Variants in PSMD3 observed in about 807,000 individuals in gnomAD.
PSMD3 encodes the protein 26S proteasome non-ATPase regulatory subunit 3.
PSMD3 carries 5 observed loss-of-function variants against 62.8 expected under a neutral mutation model. The ratio of observed to expected loss-of-function variants is 0.08; its 90% confidence interval spans 0.04 to 0.17. The LOEUF (loss-of-function observed/expected upper bound fraction) is 0.17, where lower values mean the gene tolerates loss of function less well. Ranked by LOEUF, PSMD3 falls within the 10% of genes least tolerant of loss-of-function variation. The pLI is 1.00. For missense variants in PSMD3, 524 were observed against 713.6 expected (o/e 0.73, Z 3.03); for synonymous variants, 265 against 283.9 (o/e 0.93, Z 0.67).
chr17:39,995,342 C>A lies in PSMD3; in HGVS notation c.1216+47C>A. On this transcript the variant is annotated intron_variant, in intron 8 of 11. Coordinates refer to ENST00000264639, the MANE Select transcript of PSMD3 (RefSeq NM_002809.4). This position sits in a 1 kb window ranked among gnomAD's most constrained non-coding sequence, Gnocchi z 4.1. ...GCTGTTGGAGGAGCAGAAGCCAGGC[C>A]AGGGCAAACCTAGTGGGTATCCTTG... 6.2e-7 allele frequency: 1 copy of A among 1,613,996 alleles called. No individual in the cohort carries two copies. Among genetic ancestry groups the A allele is most frequent in the South Asian group, 1.1e-5 (1 of 91,072 alleles).
In PSMD3 at chr17:39,995,383, T is replaced by C; in HGVS notation, c.1217-41T>C. ...GGTATCCTTGGGCAAGTGAAGGGTC[T>C]GTGTCCACTCTGCCCACCCCATCGC... On this transcript the variant is annotated intron_variant, in intron 8 of 11. Coordinates refer to ENST00000264639, the MANE Select transcript of PSMD3 (RefSeq NM_002809.4). This position sits in a 1 kb window ranked among gnomAD's most constrained non-coding sequence, Gnocchi z 4.1. 6.2e-7 allele frequency: 1 copy of C among 1,612,774 alleles called. No homozygotes were observed. Among genetic ancestry groups the C allele is most frequent in the Non-Finnish European group, 8.5e-7 (1 of 1,178,712 alleles).
At position 39,996,537 on chromosome 17, in the gene PSMD3, A is replaced by G. The variant is rs1476542740; in HGVS notation, c.1476+199A>G. The stretch of plus-strand genomic sequence containing the variant: ...GTTCCATAGCCAGTTGCCCTCTCCT[A>G]TTGCGTTTAAGGGATGATGTGGTCA... On this transcript the variant is annotated intron_variant, in intron 10 of 11. Coordinates refer to ENST00000264639, the MANE Select transcript of PSMD3 (RefSeq NM_002809.4). The surrounding 1 kb of genome is among the most constrained non-coding windows in gnomAD (Gnocchi z 5.1). 2.0e-5 allele frequency among the ~76,000 whole-genome samples: 3 copies of G among 152,098 alleles called. No individual in the cohort carries two copies. The highest frequency in any genetic ancestry group is 2.1e-4 in the South Asian group (1 of 4,820).
intron 3 of PSMD3, among the ~76,000 whole-genome samples, chr17:39,987,863 C>T (rs12450800): frequency 0.56 from 85,364 of 152,090 alleles, 24,210 homozygotes; most frequent in Middle Eastern, 0.74. Context: ...ATCCCAGCAC[C>T]TTGGGAGGCC....
chr17:39,981,593 C>T (rs1278484593), intron 1 of PSMD3, among the ~76,000 whole-genome samples: 1 of 152,164 alleles, frequency 6.6e-6, no homozygotes, highest in East Asian at 1.9e-4. Context: ...GCCAGGATGA[C>T]CTAGAATATT....
chr17:39,995,658 C>T lies in PSMD3; in HGVS notation c.1320+131C>T, dbSNP rs1177602983. On this transcript the variant is annotated intron_variant, in intron 9 of 11. Coordinates refer to ENST00000264639, the MANE Select transcript of PSMD3 (RefSeq NM_002809.4). The surrounding 1 kb of genome is among the most constrained non-coding windows in gnomAD (Gnocchi z 4.1). ...TGGCATAGTCATTTCAGGGCGTGCC[C>T]GTCATTTGCAGTGAAGCCAAGAAGT... 8.9e-6 allele frequency: 8 copies of T among 895,212 alleles called. No homozygotes were observed. Among genetic ancestry groups the T allele is most frequent in the Middle Eastern group, 6.0e-4 (2 of 3,326 alleles). The allele number at this position is 895,212 out of a possible 1,614,324, so 55.5% of individuals were successfully genotyped here. A position where few individuals can be genotyped will look rare whatever the true frequency, so the allele number is the denominator to read the frequency against.
intron 2 of PSMD3, among the ~76,000 whole-genome samples, chr17:39,985,880 A>G (rs1980514446): frequency 6.6e-6 from 1 of 152,148 alleles, no homozygotes; most frequent in Non-Finnish European, 1.5e-5. Flanking sequence ...TTTTGGTCTC[A>G]TTATTCTGAT....
At position 39,994,585 on chromosome 17, in the gene PSMD3, G is replaced by A. The variant is rs144746453; in HGVS notation, c.982-369G>A. 1.0e-4 allele frequency: 29 copies of A among 278,412 alleles called. 1 individual carries two copies. The highest frequency in any genetic ancestry group is 2.1e-4 in the South Asian group (5 of 23,620). 17.2% of individuals were successfully genotyped at this position (278,412 alleles called of 1,614,324 possible). A position where few individuals can be genotyped will look rare whatever the true frequency, so the allele number is the denominator to read the frequency against. On this transcript the variant is annotated intron_variant, in intron 6 of 11. Coordinates refer to ENST00000264639, the MANE Select transcript of PSMD3 (RefSeq NM_002809.4). ...TAATGAGCATCTCTGGCTGACACACGTTCCGTTCTCCAGGCCTGTGAGCCC... is the reference window on the plus strand; with the variant it reads ...TAATGAGCATCTCTGGCTGACACACATTCCGTTCTCCAGGCCTGTGAGCCC...
rs754303432 is a variant in PSMD3 at position 39,989,921 on chromosome 17, A to G, written c.869A>G (p.Tyr290Cys). Reference protein sequence around the residue: ...ANNNEWARYLYYTGRIKAIQL... With the variant: ...ANNNEWARYLCYTGRIKAIQL... ...AACAATGAGTGGGCCAGGTACCTCT[A>G]CTACACAGGTGAGCAGAGGGGCCCA... Residue 290 changes from tyrosine (Y) to cysteine (C), a missense_variant, in exon 5 of 12, where the codon TAC (tyrosine) becomes TGC (cysteine). Tyr to Cys is a radical substitution (Grantham distance 194). Coordinates refer to ENST00000264639, the MANE Select transcript of PSMD3 (RefSeq NM_002809.4). 2.5e-6 allele frequency: 4 copies of G among 1,612,812 alleles called. No individual in the cohort carries two copies. Among genetic ancestry groups the G allele is most frequent in the Non-Finnish European group, 3.4e-6 (4 of 1,179,096 alleles).
Position 39,995,940 on chromosome 17 carries a change from G to A in PSMD3, c.1321-243G>A, listed in dbSNP as rs781240591. ...TTGAGACAAGCCTGGCCAACTTGGC[G>A]AAACCCCATCTCTACTGAAAATACA... On this transcript the variant is annotated intron_variant, in intron 9 of 11. Transcript: ENST00000264639. The surrounding 1 kb of genome is among the most constrained non-coding windows in gnomAD (Gnocchi z 4.1). 39 of 519,294 alleles carry A rather than the reference G, an allele frequency of 7.5e-5. No homozygotes were observed. Among genetic ancestry groups the A allele is most frequent in the South Asian group, 1.6e-4 (8 of 48,556 alleles). 32.2% of individuals were successfully genotyped at this position (519,294 alleles called of 1,614,324 possible). A position where few individuals can be genotyped will look rare whatever the true frequency, so the allele number is the denominator to read the frequency against.
intron 1 of PSMD3, among the ~76,000 whole-genome samples, chr17:39,983,310 G>T (rs1021772311): frequency 6.6e-6 from 1 of 152,134 alleles, no homozygotes; most frequent in Admixed American, 6.5e-5. Context: ...GGGATTACAG[G>T]CGTGAGCCAC....
intron 10 of PSMD3, 117 bp from the exon 11 acceptor site, chr17:39,997,213 G>A (rs962664091): frequency 3.3e-6 from 3 of 921,348 alleles, no homozygotes; most frequent in Admixed American, 1.8e-5. Flanking sequence ...ACTGGAGAGG[G>A]GCCCGCCGCT....
Position 39,984,351 on chromosome 17 carries a change from T to A in PSMD3, c.278T>A (p.Phe93Tyr). Residue 93 changes from phenylalanine to tyrosine, a missense_variant, in exon 2 of 12, where the codon TTC becomes TAC. Physicochemically the swap from Phe to Tyr is conservative, Grantham distance 22. Coordinates refer to ENST00000264639, the MANE Select transcript of PSMD3 (RefSeq NM_002809.4). ...GCGGTTTCAGGCAAGGAGCCGAGAT[T>A]CGTGCTGCGGGCCCTGCGGATGCTG... is the stretch of plus-strand genomic sequence containing the variant. ...EKAVSGKEPR[F>Y]VLRALRMLPS... 1.2e-6 allele frequency: 2 copies of A among 1,613,810 alleles called. No individual in the cohort carries two copies. Among genetic ancestry groups the A allele is most frequent in the Non-Finnish European group, 1.7e-6 (2 of 1,180,022 alleles).
intron 3 of PSMD3, among the ~76,000 whole-genome samples, chr17:39,987,730 G>A (rs972228745): frequency 2.0e-5 from 3 of 151,978 alleles, no homozygotes; most frequent in Admixed American, 6.6e-5. Flanking sequence ...TAGTCCTCCC[G>A]CCTCAGCCTC....
chr17:39,990,260 G>C, intron 6 of PSMD3, 63 bp downstream of exon 6: 1 of 1,355,778 alleles, frequency 7.4e-7, no homozygotes, highest in Admixed American at 2.3e-5. Context: ...ATGGTGTCTT[G>C]CTATGTTACC....
intron 1 of PSMD3, among the ~76,000 whole-genome samples, chr17:39,983,086 G>A (rs2144806801): frequency 6.6e-6 from 1 of 151,570 alleles, no homozygotes; most frequent in East Asian, 1.9e-4. Context: ...AGGCTGGAGT[G>A]CAATGGCGCG....
chr17:39,995,259 C>T lies in PSMD3; in HGVS notation c.1180C>T (p.Leu394=). The T allele has an allele frequency of 6.2e-7, 1 of 1,614,176 alleles. No homozygotes were observed. Among genetic ancestry groups the T allele is most frequent in the African/African-American group, 1.3e-5 (1 of 75,034 alleles). ...EKFQADGTYT[L]IIRLRHNVIK... is the part of the protein sequence containing the mutation. ...GTTTCAAGCAGATGGGACCTACACC[C>T]TAATTATCCGGCTGCGGCACAACGT... Residue 394 remains leucine, a synonymous_variant, in exon 8 of 12, where the codon CTA becomes TTA. Coordinates refer to ENST00000264639, the MANE Select transcript of PSMD3 (RefSeq NM_002809.4). This position sits in a 1 kb window ranked among gnomAD's most constrained non-coding sequence, Gnocchi z 4.1.
In PSMD3 at chr17:39,982,068, G is replaced by GT. The variant is rs530341393; in HGVS notation, c.220+882dup. 1.9e-3 allele frequency among the ~76,000 whole-genome samples: 292 copies of GT among 152,250 alleles called. 1 individual carries two copies. Among genetic ancestry groups the GT allele is most frequent in the African/African-American group, 7.0e-3 (289 of 41,520 alleles). On this transcript the variant is annotated intron_variant, in intron 1 of 11. Coordinates refer to ENST00000264639, the MANE Select transcript of PSMD3 (RefSeq NM_002809.4). Reference sequence around the variant, plus strand: ...CAAGTGGGACCAGACTACTTACTAGGTTTTCTTTTCACTAAAATGCGTGAG... The same window carrying GT: ...CAAGTGGGACCAGACTACTTACTAGGTTTTTCTTTTCACTAAAATGCGTGAG...
At chr17:39,986,854 C>A in intron 3 of PSMD3, 142 bp downstream of exon 3, 2 of 1,186,126 alleles carry the variant, frequency 1.7e-6, no homozygotes, top group Non-Finnish European at 2.3e-6. Context: ...TAGAGGTATG[C>A]GTTTGATCCC....
chr17:39,981,473 C>G (rs898862737), intron 1 of PSMD3, among the ~76,000 whole-genome samples: 3 of 152,182 alleles, frequency 2.0e-5, no homozygotes, highest in Non-Finnish European at 4.4e-5. Context: ...CTTTTAAGTC[C>G]TCCCCTCTGA....
Sources: gnomAD v4.1 joint callset for allele counts (sites outside exome capture counted in the v4.1 genomes callset) on GRCh38, gnomAD v4.1.1 for gene constraint, Gnocchi (gnomAD v3.1) non-coding constraint, MANE v1.5 for transcripts, NCBI Gene and HGNC (gene_info 2026-07-23, HGNC 2026-07-21) for gene names.